CCDC28B: variants seen among roughly 807,000 people sequenced by gnomAD.
CCDC28B encodes coiled-coil domain-containing protein 28B.
A neutral mutation model predicts 18.7 loss-of-function variants in CCDC28B; 17 were observed. The ratio of observed to expected loss-of-function variants is 0.91; its 90% CI spans 0.62 to 1.36. CCDC28B has a LOEUF of 1.36. Ranked by LOEUF, CCDC28B falls within the 40% of genes most tolerant of loss-of-function variation. CCDC28B has a pLI of 0.00. For synonymous variants in CCDC28B, 116 were observed against 105.1 expected, an observed-to-expected ratio of 1.10 and a Z score of -0.64; for missense variants, 213 against 251.7, an observed-to-expected ratio of 0.85 and a Z score of 1.04.
At chr1:32,199,666 T>C (rs1164150127), upstream of CCDC28B, among the ~76,000 whole-genome samples, 1 of 152,226 alleles carries the variant, frequency 6.6e-6, no homozygotes, top group East Asian at 1.9e-4. Context: ...TCAGGAGCAG[T>C]GCCCATGGCT....
rs142367160 is a variant in CCDC28B, at chr1:32,204,207, A to T, written c.353A>T (p.Gln118Leu). 4 of 1,614,028 alleles carry T rather than the reference A, an allele frequency of 2.5e-6. No homozygotes were observed. The African/African-American group carries it at 5.3e-5, about 22-fold the overall frequency. ...CCAGGGAAGGAATGCTCCTTTGAGC[A>T]GCTGGAGCACGTTCGGGAGATGCAG... ...QAFGKECSFE[Q>L]LEHVREMQEK... The change falls in exon 4 of 6, where the codon CAG becomes CTG. Residue 118 changes from glutamine to leucine, a missense_variant. Physicochemically the swap from Gln to Leu is moderately radical, Grantham distance 113. Coordinates refer to ENST00000373602, the MANE Select transcript of CCDC28B (RefSeq NM_024296.5).
At chr1:32,202,523 A>T in intron 2 of CCDC28B, 1 of 359,040 alleles carries the variant, frequency 2.8e-6, no homozygotes, top group Non-Finnish European at 5.5e-6. Context: ...AATTTTTTTT[A>T]TGATTGGGAG....
chr1:32,197,971 G>C, upstream of CCDC28B: 1 of 152,576 alleles, frequency 6.6e-6, no homozygotes, highest in Middle Eastern at 3.4e-3. The surrounding 1 kb of genome is among the most constrained non-coding windows in gnomAD (Gnocchi z 4.6). Context: ...GAGGCCAGTG[G>C]AGCTGCCTGG....
chr1:32,199,582 C>T (rs1472630339), upstream of CCDC28B, among the ~76,000 whole-genome samples: 1 of 152,130 alleles, frequency 6.6e-6, no homozygotes, highest in African/African-American at 2.4e-5. Context: ...TGAAAAAGTT[C>T]GGAATTACTC....
chr1:32,197,853 C>G (rs9425952), upstream of CCDC28B: 1 of 152,244 alleles, frequency 6.6e-6, no homozygotes, highest in South Asian at 2.1e-4. This position sits in a 1 kb window ranked among gnomAD's most constrained non-coding sequence, Gnocchi z 4.6. Flanking sequence ...ATGAGGTTAT[C>G]GGACCATGGG....
At chr1:32,204,833 A>T in intron 5 of CCDC28B, 12 of 1,556,888 alleles carry the variant, frequency 7.7e-6, no homozygotes, top group Non-Finnish European at 1.0e-5. Flanking sequence ...TTTACTACTG[A>T]TCAAAATCTT....
intron 1 of CCDC28B, among the ~76,000 whole-genome samples, chr1:32,201,391 C>A (rs1474241987): frequency 6.6e-6 from 1 of 152,096 alleles, no homozygotes; most frequent in African/African-American, 2.4e-5. Context: ...TGAACCCTGC[C>A]CTGTATGCTG....
intron 2 of CCDC28B, among the ~76,000 whole-genome samples, chr1:32,203,563 G>A (rs1421513955): frequency 6.6e-6 from 1 of 152,178 alleles, no homozygotes; most frequent in Non-Finnish European, 1.5e-5. Context: ...GAAGACTAGG[G>A]AGGATAAGTG....
rs1157214590 is a variant in CCDC28B at position 32,204,058 on chromosome 1, G to T, written c.331+13G>T. ...CTGCAGGCCTTCGGTGAGTCCTGGG[G>T]GCTGGTTTCAGCGGGTGTGTGGATA... On this transcript the variant is annotated intron_variant, in intron 3 of 5. Coordinates refer to ENST00000373602, the MANE Select transcript of CCDC28B (RefSeq NM_024296.5). 2 of 1,565,760 alleles carry T rather than the reference G, an allele frequency of 1.3e-6. No homozygotes were observed. The highest frequency in any genetic ancestry group is 2.7e-5 in the African/African-American group (2 of 73,646).
chr1:32,199,335 T>C (rs1462807340), upstream of CCDC28B, among the ~76,000 whole-genome samples: 1 of 152,064 alleles, frequency 6.6e-6, no homozygotes, highest in Non-Finnish European at 1.5e-5. Flanking sequence ...ATGCTGGCCA[T>C]GTTATTTCTA....
At chr1:32,204,119 A>AC (rs1643230325) in intron 3 of CCDC28B, 67 bp from the exon 4 acceptor site, 2 of 1,602,252 alleles carry the variant, frequency 1.2e-6, no homozygotes, top group Non-Finnish European at 1.7e-6. Context: ...CATGGCTGGG[A>AC]CCATGGTTCC....
At chr1:32,204,571 A>T (rs764659606) in intron 4 of CCDC28B, 27 bp from the exon 5 acceptor site, 1 of 1,547,828 alleles carries the variant, frequency 6.5e-7, no homozygotes. Context: ...TCCTAACAGA[A>T]GCCTCCCTTT....
intron 4 of CCDC28B, 93 bp downstream of exon 4, chr1:32,204,472 G>T: frequency 6.6e-7 from 1 of 1,514,734 alleles, no homozygotes; most frequent in South Asian, 1.3e-5. Flanking sequence ...TGGGTGAAAA[G>T]GTGGGAGTGC....
chr1:32,199,682 C>T (rs1643106478), upstream of CCDC28B, among the ~76,000 whole-genome samples: 1 of 152,214 alleles, frequency 6.6e-6, no homozygotes, highest in Non-Finnish European at 1.5e-5. Context: ...TGGCTCCCCA[C>T]ATCAGCCAAG....
chr1:32,204,716 T>C (rs1304053479), intron 5 of CCDC28B, 96 bp downstream of exon 5: 1 of 1,613,840 alleles, frequency 6.2e-7, no homozygotes, highest in African/African-American at 1.3e-5. Context: ...ACAACCAACT[T>C]CCCCACCTCT....
chr1:32,204,534 A>G lies in CCDC28B; in HGVS notation c.526-64A>G, dbSNP rs770166717. 3.3e-6 allele frequency: 5 copies of G among 1,523,184 alleles called. No individual in the cohort carries two copies. The African/African-American group carries it at 4.2e-5, about 13-fold the overall frequency. The allele number at this position is 1,523,184 out of a possible 1,614,324, so 94.4% of individuals were successfully genotyped here. ...AACCTCCCCAGAAGATAGCCCCCAG[A>G]GCATTGGGGATTTGGCCTGGTTCCC... is the stretch of plus-strand genomic sequence containing the variant. On this transcript the variant is annotated intron_variant, in intron 4 of 5. Coordinates refer to ENST00000373602, the MANE Select transcript of CCDC28B (RefSeq NM_024296.5).
intron 2 of CCDC28B, among the ~76,000 whole-genome samples, chr1:32,203,666 G>GA (rs1483704148): frequency 6.6e-6 from 1 of 152,196 alleles, no homozygotes; most frequent in African/African-American, 2.4e-5. Context: ...GTTATTAGCA[G>GA]AAAAGACTTC....
chr1:32,199,295 C>T (rs1028632606), upstream of CCDC28B, among the ~76,000 whole-genome samples: 1 of 152,206 alleles, frequency 6.6e-6, no homozygotes, highest in Non-Finnish European at 1.5e-5. Context: ...GCCTCTGACC[C>T]TTCTAGCTGG....
Position 32,205,066 on chromosome 1 carries a change from T to C in CCDC28B, c.549-128T>C. ...GGGCAGGCGGGGACTGCAACCTCAG[T>C]CCACAGACGGCCCGAGACCCTCGTC... On this transcript the variant is annotated intron_variant, in intron 5 of 5. Coordinates refer to ENST00000373602, the MANE Select transcript of CCDC28B (RefSeq NM_024296.5). This position sits in a 1 kb window ranked among gnomAD's most constrained non-coding sequence, Gnocchi z 5.6. 3 of 1,262,238 alleles carry C rather than the reference T, an allele frequency of 2.4e-6. No individual in the cohort carries two copies. The highest frequency in any genetic ancestry group is 3.3e-6 in the Non-Finnish European group (3 of 916,630). The allele number at this position is 1,262,238 out of a possible 1,614,324, so 78.2% of individuals were successfully genotyped here. A position where few individuals can be genotyped will look rare whatever the true frequency, so the allele number is the denominator to read the frequency against.
Sources: allele counts gnomAD v4.1 joint callset (sites outside exome capture counted in the v4.1 genomes callset), GRCh38; gene constraint gnomAD v4.1.1; non-coding constraint Gnocchi (gnomAD v3.1); transcripts MANE v1.5; gene names NCBI Gene and HGNC (gene_info 2026-07-23, HGNC 2026-07-21).